KALRN: variants seen among roughly 807,000 people sequenced by gnomAD.
KALRN encodes the protein kalirin RhoGEF kinase.
In KALRN, 70 loss-of-function variants were observed where a neutral mutation model predicts 353.7. The ratio of observed to expected loss-of-function variants is 0.20; its 90% confidence interval spans 0.16 to 0.24. The LOEUF (loss-of-function observed/expected upper bound fraction) is 0.24, where lower values mean the gene tolerates loss of function less well. KALRN is among the 10% of genes least tolerant of loss of function. KALRN has a pLI of 1.00. For synonymous variants in KALRN, 1,391 were observed against 1,434.8 expected (o/e 0.97, Z 0.69); for missense variants, 2,791 against 3,756.7 (o/e 0.74, Z 6.72).
At chr3:124,516,097 G>A (rs2066516506) in intron 33 of KALRN, among the ~76,000 whole-genome samples, 1 of 152,180 alleles carries the variant, frequency 6.6e-6, no homozygotes, top group African/African-American at 2.4e-5. Flanking sequence ...ACCCCCAATG[G>A]ATATATATAA....
At chr3:124,366,307 A>T (rs1383434426) in intron 10 of KALRN, among the ~76,000 whole-genome samples, 1 of 147,422 alleles carries the variant, frequency 6.8e-6, no homozygotes, top group Non-Finnish European at 1.5e-5. Context: ...GCAGATAAAC[A>T]AGTGAACAAA....
intron 33 of KALRN, among the ~76,000 whole-genome samples, chr3:124,555,730 A>C (rs929706726): frequency 6.6e-6 from 1 of 152,182 alleles, no homozygotes; most frequent in African/African-American, 2.4e-5. Flanking sequence ...TCAGGCAATA[A>C]TTCATGGAAT....
chr3:124,192,410 T>TG (rs1203451516), intron 1 of KALRN, among the ~76,000 whole-genome samples: 1 of 151,318 alleles, frequency 6.6e-6, no homozygotes, highest in Non-Finnish European at 1.5e-5. Context: ...AGCGGGGAGG[T>TG]GGGAATGGTT....
intron 1 of KALRN, among the ~76,000 whole-genome samples, chr3:124,165,920 C>T (rs555428313): frequency 1.3e-5 from 2 of 152,210 alleles, no homozygotes; most frequent in East Asian, 3.9e-4. Context: ...CCTGCTTGTT[C>T]ACTTCACTTC....
chr3:124,506,898 C>T (rs902425525), intron 33 of KALRN, among the ~76,000 whole-genome samples: 128 of 152,158 alleles, frequency 8.4e-4, no homozygotes, highest in African/African-American at 3.0e-3. Flanking sequence ...GTCTTTTTAT[C>T]TCATTTACTA....
chr3:124,530,341 G>T (rs1327615115), intron 33 of KALRN, among the ~76,000 whole-genome samples: 3 of 152,022 alleles, frequency 2.0e-5, no homozygotes, highest in African/African-American at 7.2e-5. Flanking sequence ...GAATGATCTC[G>T]CCTCCCTTTT....
intron 29 of KALRN, chr3:124,488,534 G>T: frequency 1.9e-6 from 1 of 520,688 alleles, no homozygotes; most frequent in Non-Finnish European, 3.5e-6. Flanking sequence ...TAAGCCACTG[G>T]AGGTTATGTG....
intron 1 of KALRN, among the ~76,000 whole-genome samples, chr3:124,104,893 T>G (rs780765716): frequency 6.6e-6 from 1 of 151,926 alleles, no homozygotes; most frequent in Non-Finnish European, 1.5e-5. Context: ...TTCTAGACAG[T>G]AAAGCATGGG....
At chr3:124,534,043 A>G (rs1408812779) in intron 33 of KALRN, among the ~76,000 whole-genome samples, 1 of 152,190 alleles carries the variant, frequency 6.6e-6, no homozygotes, top group African/African-American at 2.4e-5. Flanking sequence ...ACTCATGAGA[A>G]AAACATCAGA....
At chr3:124,324,919 T>C (rs11715931) in intron 6 of KALRN, among the ~76,000 whole-genome samples, 49,061 of 152,142 alleles carry the variant, frequency 0.32, 8,045 homozygotes, top group Admixed American at 0.36. Context: ...TGTGAATAAC[T>C]TGCCTCCCTG....
intron 34 of KALRN, among the ~76,000 whole-genome samples, chr3:124,629,227 T>C (rs973331063): frequency 6.6e-6 from 1 of 152,184 alleles, no homozygotes; most frequent in Admixed American, 6.5e-5. Context: ...GTTCAGATGC[T>C]AATGGTATCA....
intron 6 of KALRN, among the ~76,000 whole-genome samples, chr3:124,307,003 G>A (rs955309241): frequency 6.6e-6 from 1 of 152,096 alleles, no homozygotes; most frequent in African/African-American, 2.4e-5. Flanking sequence ...AATAAAGGAA[G>A]TTTTTCAAGC....
chr3:124,125,271 T>G (rs754662971), intron 1 of KALRN, among the ~76,000 whole-genome samples: 2 of 152,240 alleles, frequency 1.3e-5, no homozygotes, highest in African/African-American at 4.8e-5. Flanking sequence ...GTGAAGAGAT[T>G]TGCCCATGGC....
At chr3:124,322,222 A>G (rs570502520) in intron 6 of KALRN, among the ~76,000 whole-genome samples, 54 of 152,298 alleles carry the variant, frequency 3.5e-4, no homozygotes, top group African/African-American at 1.2e-3. Flanking sequence ...CCTGGGCTAC[A>G]TATACCTCTG....
At position 124,252,919 on chromosome 3, in the gene KALRN, A is replaced by C. The variant is rs568952670; in HGVS notation, c.264-11579A>C. 5.3e-5 allele frequency among the ~76,000 whole-genome samples: 8 copies of C among 152,322 alleles called. No homozygotes were observed. In the East Asian group the frequency reaches 1.5e-3, roughly 29 times the overall value. On this transcript the variant is annotated intron_variant, in intron 3 of 59. Coordinates refer to ENST00000682506, the MANE Select transcript of KALRN (RefSeq NM_001388419.1). ...GTTTGAGAACTGTCTGTGGGAGCAA[A>C]CATTCATTCAAAACCCATTCCTAGA...
At chr3:124,302,168 A>G (rs2077320811) in intron 6 of KALRN, among the ~76,000 whole-genome samples, 1 of 152,256 alleles carries the variant, frequency 6.6e-6, no homozygotes, top group South Asian at 2.1e-4. Context: ...ATATAATTAA[A>G]GATCAGACAT....
rs564243180 is a variant in KALRN, at chr3:124,380,507, C to T, written c.1771-4338C>T. ...CACAGGTCCTACCTGAAAGCTCCAACAGCTGAGGGATCTATACACCAGCAC... is the reference window on the plus strand; with the variant it reads ...CACAGGTCCTACCTGAAAGCTCCAATAGCTGAGGGATCTATACACCAGCAC... On this transcript the variant is annotated intron_variant, in intron 10 of 59. Coordinates refer to ENST00000682506, the MANE Select transcript of KALRN (RefSeq NM_001388419.1). 5.6e-4 allele frequency among the ~76,000 whole-genome samples: 86 copies of T among 152,306 alleles called. 1 individual carries two copies. Among genetic ancestry groups the T allele is most frequent in the Non-Finnish European group, 8.8e-4 (60 of 68,020 alleles).
At chr3:124,124,591 G>A (rs1292723384) in intron 1 of KALRN, among the ~76,000 whole-genome samples, 3 of 152,182 alleles carry the variant, frequency 2.0e-5, no homozygotes, top group Non-Finnish European at 4.4e-5. Context: ...ATGCTGTAGA[G>A]AAATCTTTAA....
chr3:124,648,969 C>T (rs1313752766), intron 37 of KALRN, among the ~76,000 whole-genome samples: 2 of 152,218 alleles, frequency 1.3e-5, no homozygotes, highest in Non-Finnish European at 2.9e-5. Flanking sequence ...GATATAACAA[C>T]TTCCATGGCT....
Sources: gnomAD v4.1 joint callset for allele counts (sites outside exome capture counted in the v4.1 genomes callset) on GRCh38, gnomAD v4.1.1 for gene constraint, MANE v1.5 for transcripts, NCBI Gene and HGNC (gene_info 2026-07-23, HGNC 2026-07-21) for gene names.